The following SCAI variants were observed in gnomAD, a reference collection of about 807,000 sequenced individuals.
The protein encoded by SCAI is protein SCAI.
SCAI carries 24 observed loss-of-function variants against 92.2 expected under a neutral mutation model. The observed-to-expected ratio is 0.26, with a 90% CI of 0.19 to 0.37. The LOEUF is 0.37. Ranked by LOEUF, SCAI falls within the 10% of genes least tolerant of loss-of-function variation. The pLI, the probability that SCAI is intolerant of heterozygous loss-of-function variation, is 1.00. For synonymous variants in SCAI, 261 were observed against 258.6 expected (o/e 1.01, Z -0.09); for missense variants, 450 against 736.2 (o/e 0.61, Z 4.50).
At chr9:124,968,567 A>C (rs1831586485) in intron 17 of SCAI, 1 of 914,482 alleles carries the variant, frequency 1.1e-6, no homozygotes, top group Non-Finnish European at 1.8e-6. Context: ...CATAGTCCTC[A>C]AACGTGTATG....
chr9:125,029,203 TC>T (rs1833023024), intron 4 of SCAI, among the ~76,000 whole-genome samples: 1 of 152,176 alleles, frequency 6.6e-6, no homozygotes, highest in African/African-American at 2.4e-5. Flanking sequence ...CACTGCAACC[TC>T]CCCCACTTCA....
chr9:125,011,203 GAGA>G lies in SCAI; in HGVS notation c.861+7593_861+7595del, dbSNP rs1158448434. 2.1e-3 allele frequency among the ~76,000 whole-genome samples: 317 copies of G among 152,354 alleles called. 1 individual carries two copies. Among genetic ancestry groups the G allele is most frequent in the African/African-American group, 7.3e-3 (305 of 41,576 alleles). ...ACGGAGAATGACTTTGACGAGTTGA[GAGA>G]AGAAGGCTTCAGACGATCAAACTAC... On this transcript the variant is annotated intron_variant, in intron 9 of 17. Transcript: ENST00000336505.
intron 2 of SCAI, among the ~76,000 whole-genome samples, chr9:125,111,146 T>C (rs1220827067): frequency 6.7e-6 from 1 of 148,296 alleles, no homozygotes; most frequent in African/African-American, 2.6e-5. Flanking sequence ...TTCAGCAATA[T>C]GTTAAAAAAG....
At chr9:125,112,566 G>A (rs748588906) in intron 2 of SCAI, among the ~76,000 whole-genome samples, 34 of 152,192 alleles carry the variant, frequency 2.2e-4, no homozygotes, top group South Asian at 8.3e-4. Flanking sequence ...CTTGTCACAT[G>A]ACAAACAGGA....
intron 5 of SCAI, 71 bp downstream of exon 5, chr9:125,028,321 T>C (rs1833001794): frequency 1.1e-5 from 9 of 821,222 alleles, no homozygotes; most frequent in Middle Eastern, 2.3e-4. Flanking sequence ...GAGTATACTA[T>C]GTATGTATAC....
chr9:125,045,065 G>C (rs1269032757), intron 3 of SCAI, among the ~76,000 whole-genome samples: 1 of 152,196 alleles, frequency 6.6e-6, no homozygotes, highest in Non-Finnish European at 1.5e-5. Context: ...ATCTGAGCCA[G>C]TAGCATAAGT....
At chr9:124,974,188 T>C (rs1423923067) in intron 15 of SCAI, 3 of 450,542 alleles carry the variant, frequency 6.7e-6, no homozygotes, top group East Asian at 7.1e-5. Context: ...ATAATAAATG[T>C]TGAATAGCAC....
intron 15 of SCAI, among the ~76,000 whole-genome samples, chr9:124,973,230 G>A (rs1831693674): frequency 1.3e-5 from 2 of 152,144 alleles, no homozygotes; most frequent in Admixed American, 1.3e-4. Context: ...TTTCAGTATC[G>A]TGTTGATACT....
chr9:125,063,098 C>T (rs1474156661), intron 2 of SCAI, among the ~76,000 whole-genome samples: 1 of 137,174 alleles, frequency 7.3e-6, no homozygotes, highest in East Asian at 2.2e-4. Context: ...AATTATAACC[C>T]CCCACCCCCC....
At chr9:124,972,150 A>G (rs1414261053) in intron 15 of SCAI, among the ~76,000 whole-genome samples, 1 of 152,240 alleles carries the variant, frequency 6.6e-6, no homozygotes, top group African/African-American at 2.4e-5. Context: ...TTATCTTGAT[A>G]GAATTCTCTG....
chr9:124,953,866 A>G (rs1460128591), intron 17 of SCAI, among the ~76,000 whole-genome samples: 2 of 152,180 alleles, frequency 1.3e-5, no homozygotes, highest in Non-Finnish European at 2.9e-5. Flanking sequence ...TCACTCACAC[A>G]TTACAAAAAT....
At chr9:125,078,293 G>C (rs748486677) in intron 2 of SCAI, among the ~76,000 whole-genome samples, 3 of 152,108 alleles carry the variant, frequency 2.0e-5, no homozygotes, top group African/African-American at 7.2e-5. Flanking sequence ...TTGGAAGGCC[G>C]AGGTAAGCGG....
intron 2 of SCAI, among the ~76,000 whole-genome samples, chr9:125,061,584 C>T (rs1305176203): frequency 2.6e-5 from 4 of 152,090 alleles, no homozygotes; most frequent in Non-Finnish European, 4.4e-5. Context: ...CACAGTGAAA[C>T]GCTGACTCTA....
intron 17 of SCAI, among the ~76,000 whole-genome samples, chr9:124,962,984 A>T (rs962290998): frequency 6.6e-6 from 1 of 151,148 alleles, no homozygotes; most frequent in African/African-American, 2.4e-5. Flanking sequence ...TTTTTAGTAG[A>T]GATGGGGTTT....
rs541129748 is a variant in SCAI at position 124,962,352 on chromosome 9, A to G, written c.1674+9018T>C. On this transcript the variant is annotated intron_variant, in intron 17 of 17. Coordinates refer to ENST00000336505, the MANE Select transcript of SCAI (RefSeq NM_001144877.3). ...TTTTTGTATTTTTAGTAGAGACGAGAGTTTCACCATATTGGTCAGGCTGGT... is the reference window on the plus strand; with the variant it reads ...TTTTTGTATTTTTAGTAGAGACGAGGGTTTCACCATATTGGTCAGGCTGGT... Among the ~76,000 whole-genome samples the G allele has an allele frequency of 2.6e-5, 4 of 151,816 alleles. No homozygotes were observed. In the South Asian group the frequency reaches 8.4e-4, roughly 32 times the overall value.
intron 3 of SCAI, among the ~76,000 whole-genome samples, chr9:125,051,925 T>G (rs1037031053): frequency 1.3e-5 from 2 of 151,432 alleles, no homozygotes; most frequent in South Asian, 2.1e-4. Context: ...TACAGTGTGG[T>G]GGCACCAACT....
rs900278140 is a variant in SCAI, at chr9:124,947,141, C to T, written c.*5666G>A. The T allele has an allele frequency of 6.6e-6, 1 of 152,094 alleles. No homozygotes were observed. Among genetic ancestry groups the T allele is most frequent in the African/African-American group, 2.4e-5 (1 of 41,416 alleles). 9.4% of individuals were successfully genotyped at this position (152,094 alleles called of 1,614,324 possible). A position where few individuals can be genotyped will look rare whatever the true frequency, so the allele number is the denominator to read the frequency against. On this transcript the variant is annotated 3_prime_UTR_variant, in exon 18 of 18. Coordinates refer to ENST00000336505, the MANE Select transcript of SCAI (RefSeq NM_001144877.3). ...AATGACAACTGGGAATATATTTCCC[C>T]TATTTAATGGACATTTTCCTATGTT...
rs1441002502 is a variant in SCAI, at chr9:125,091,988, G to C, written c.99-35981C>G. 6.6e-6 allele frequency among the ~76,000 whole-genome samples: 1 copy of C among 151,868 alleles called. No homozygotes were observed. Among genetic ancestry groups the C allele is most frequent in the East Asian group, 1.9e-4 (1 of 5,194 alleles). ...AAAATAAAAATAAAAAAATTAGCCA[G>C]GCGTGGTGGTGGGCGCCTGTAGTCC... On this transcript the variant is annotated intron_variant, in intron 2 of 17. Transcript: ENST00000336505. This position sits in a 1 kb window ranked among gnomAD's most constrained non-coding sequence, Gnocchi z 4.3.
intron 3 of SCAI, among the ~76,000 whole-genome samples, chr9:125,037,050 C>G (rs1833212016): frequency 6.6e-6 from 1 of 152,062 alleles, no homozygotes; most frequent in Non-Finnish European, 1.5e-5. Flanking sequence ...AGGCTGATCA[C>G]CTGAGGTCAG....
Sources: allele counts gnomAD v4.1 joint callset (sites outside exome capture counted in the v4.1 genomes callset), GRCh38; gene constraint gnomAD v4.1.1; non-coding constraint Gnocchi (gnomAD v3.1); transcripts MANE v1.5; gene names NCBI Gene and HGNC (gene_info 2026-07-23, HGNC 2026-07-21).